MAPKAP1: variants seen among roughly 807,000 people sequenced by gnomAD.
MAPKAP1 encodes target of rapamycin complex 2 subunit MAPKAP1.
Under a neutral mutation model 65.7 loss-of-function variants are expected in MAPKAP1, and 20 were observed. That is an observed-to-expected ratio of 0.30 (90% CI 0.21 to 0.44). The LOEUF is 0.44. MAPKAP1 is among the 20% of genes least tolerant of loss of function. The probability of loss-of-function intolerance (pLI) is 1.00; values close to 1 mark genes in which losing one functional copy is unlikely to be tolerated. For missense variants in MAPKAP1, 423 were observed against 648.0 expected, an observed-to-expected ratio of 0.65 and a Z score of 3.77; for synonymous variants, 222 against 244.3, an observed-to-expected ratio of 0.91 and a Z score of 0.85.
intron 4 of MAPKAP1, among the ~76,000 whole-genome samples, chr9:125,622,418 G>A (rs1044280900): frequency 9.2e-5 from 14 of 151,998 alleles, no homozygotes; most frequent in Non-Finnish European, 1.5e-5. Flanking sequence ...CCATAAATAT[G>A]TACAATTATT....
At chr9:125,571,979 T>C (rs1226850203) in intron 5 of MAPKAP1, among the ~76,000 whole-genome samples, 6 of 152,258 alleles carry the variant, frequency 3.9e-5, no homozygotes, top group African/African-American at 1.4e-4. Flanking sequence ...TATACTCCTG[T>C]AAACAAAATT....
chr9:125,579,100 C>G (rs1831538148), intron 5 of MAPKAP1, among the ~76,000 whole-genome samples: 1 of 152,070 alleles, frequency 6.6e-6, no homozygotes, highest in African/African-American at 2.4e-5. Flanking sequence ...TAGTTTCTCC[C>G]AAATGTTTTC....
intron 4 of MAPKAP1, among the ~76,000 whole-genome samples, chr9:125,646,926 C>A (rs1258829052): frequency 1.3e-5 from 2 of 152,182 alleles, no homozygotes; most frequent in Non-Finnish European, 2.9e-5. Context: ...AGTCGCTGCA[C>A]CACAATTTGA....
chr9:125,483,024 G>A (rs780881960), intron 9 of MAPKAP1, among the ~76,000 whole-genome samples: 10 of 152,106 alleles, frequency 6.6e-5, no homozygotes, highest in African/African-American at 2.2e-4. Flanking sequence ...GCTAATAAAC[G>A]AGCAGGGTTT....
chr9:125,528,250 G>C (rs1829829750), intron 7 of MAPKAP1, among the ~76,000 whole-genome samples: 1 of 152,218 alleles, frequency 6.6e-6, no homozygotes, highest in African/African-American at 2.4e-5. Context: ...AGCCTAAGTG[G>C]CTGAGGGATA....
Position 125,524,722 on chromosome 9 carries a change from C to A in MAPKAP1, c.959-18305G>T, listed in dbSNP as rs1829714356. Among the ~76,000 whole-genome samples, 2 of 152,350 alleles carry A rather than the reference C, an allele frequency of 1.3e-5. 1 individual carries two copies. Among genetic ancestry groups the A allele is most frequent in the South Asian group, 4.1e-4 (2 of 4,828 alleles). On this transcript the variant is annotated intron_variant, in intron 7 of 11. Transcript: ENST00000265960. ...GGCTTTCCATTTGCCTTGCTAATAA[C>A]AGTAAATCCAGCAGCTTCCACTGCA...
intron 8 of MAPKAP1, among the ~76,000 whole-genome samples, chr9:125,489,844 G>T (rs1854635652): frequency 6.6e-6 from 1 of 152,168 alleles, no homozygotes; most frequent in Non-Finnish European, 1.5e-5. Flanking sequence ...TGGAATATAA[G>T]AGTACAGAGA....
At chr9:125,549,277 G>C (rs568851204) in intron 6 of MAPKAP1, among the ~76,000 whole-genome samples, 1 of 152,180 alleles carries the variant, frequency 6.6e-6, no homozygotes, top group Non-Finnish European at 1.5e-5. Flanking sequence ...TCGAGTCTCT[G>C]GTCCTGACCA....
chr9:125,484,312 T>C, intron 9 of MAPKAP1, 131 bp downstream of exon 9: 1 of 974,994 alleles, frequency 1.0e-6, no homozygotes, highest in Non-Finnish European at 1.4e-6. Context: ...TTCCATTGTT[T>C]AAACATTTTC....
At chr9:125,480,897 G>A (rs142520361) in intron 9 of MAPKAP1, among the ~76,000 whole-genome samples, 3 of 150,306 alleles carry the variant, frequency 2.0e-5, no homozygotes, top group South Asian at 4.2e-4. Flanking sequence ...GCGTGAACCC[G>A]GTAGGAGGAG....
At chr9:125,518,144 T>C (rs964168561) in intron 7 of MAPKAP1, among the ~76,000 whole-genome samples, 2 of 152,204 alleles carry the variant, frequency 1.3e-5, no homozygotes, top group Non-Finnish European at 2.9e-5. Context: ...AAGTATACAA[T>C]GATGTATGTT....
chr9:125,458,698 C>G (rs530883525), intron 10 of MAPKAP1, among the ~76,000 whole-genome samples: 1 of 149,746 alleles, frequency 6.7e-6, no homozygotes, highest in Non-Finnish European at 1.5e-5. Flanking sequence ...AAACCGCCAT[C>G]GTCATCCTGG....
intron 10 of MAPKAP1, among the ~76,000 whole-genome samples, chr9:125,459,399 T>C: frequency 6.7e-6 from 1 of 149,914 alleles, no homozygotes; most frequent in East Asian, 2.0e-4. Flanking sequence ...CGCTCCTCAC[T>C]TCCCAGACGG....
At chr9:125,510,246 C>G (rs1340416411) in intron 7 of MAPKAP1, among the ~76,000 whole-genome samples, 1 of 152,218 alleles carries the variant, frequency 6.6e-6, no homozygotes, top group Non-Finnish European at 1.5e-5. Flanking sequence ...TTGAACCCTC[C>G]TTCCTCCTGC....
At chr9:125,464,204 T>TTA (rs1554805633) in intron 10 of MAPKAP1, among the ~76,000 whole-genome samples, 1,765 of 83,310 alleles carry the variant, frequency 0.021, 287 homozygotes, top group African/African-American at 0.066. Flanking sequence ...TCTCATATAT[T>TTA]AAAAAAAAAA....
intron 7 of MAPKAP1, among the ~76,000 whole-genome samples, chr9:125,521,158 CAG>C (rs777677967): frequency 5.7e-4 from 87 of 152,318 alleles, no homozygotes; most frequent in Admixed American, 1.5e-3. Context: ...CGGTTGTAGG[CAG>C]AGAGTGTGCT....
intron 3 of MAPKAP1, among the ~76,000 whole-genome samples, chr9:125,667,686 A>T (rs1834380308): frequency 6.6e-6 from 1 of 152,158 alleles, no homozygotes; most frequent in South Asian, 2.1e-4. Flanking sequence ...TGTTGGGATT[A>T]CAGGTGTGAG....
chr9:125,594,710 C>T (rs1279923269), intron 4 of MAPKAP1, among the ~76,000 whole-genome samples: 1 of 152,150 alleles, frequency 6.6e-6, no homozygotes, highest in African/African-American at 2.4e-5. Flanking sequence ...CTTCCCCACA[C>T]TCTCTCATTC....
chr9:125,565,565 A>G (rs1385629518), intron 5 of MAPKAP1: 5 of 285,370 alleles, frequency 1.8e-5, no homozygotes, highest in African/African-American at 9.1e-5. Flanking sequence ...TGTATTGGGC[A>G]TTAGCAAGGG....
Sources: allele counts gnomAD v4.1 joint callset (sites outside exome capture counted in the v4.1 genomes callset), GRCh38; gene constraint gnomAD v4.1.1; transcripts MANE v1.5; gene names NCBI Gene and HGNC (gene_info 2026-07-23, HGNC 2026-07-21).